The following TPM3 variants were observed in gnomAD, a reference collection of about 807,000 sequenced individuals.
TPM3 encodes the protein tropomyosin alpha-3 chain.
Under a neutral mutation model 43.1 loss-of-function variants are expected in TPM3, and 16 were observed. That is an observed-to-expected ratio of 0.37 (90% CI 0.25 to 0.56). The LOEUF is 0.56. Ranked by LOEUF, TPM3 falls within the 20% of genes least tolerant of loss-of-function variation. The pLI, the probability that TPM3 is intolerant of heterozygous loss-of-function variation, is 0.77. For missense variants in TPM3, 176 were observed against 337.2 expected (o/e 0.52, Z 3.74); for synonymous variants, 101 against 116.9 (o/e 0.86, Z 0.88).
downstream of TPM3, chr1:154,159,007 T>C: frequency 1.3e-6 from 1 of 780,776 alleles, no homozygotes; most frequent in Non-Finnish European, 2.4e-6. Context: ...TTCAGCTCAT[T>C]AGAAAGCAGG....
At chr1:154,155,318 A>C (rs887275969), downstream of TPM3, 41 of 447,478 alleles carry the variant, frequency 9.2e-5, no homozygotes, top group Middle Eastern at 6.2e-4. Flanking sequence ...TCTAAAAAAA[A>C]CCCTTTAATT....
In TPM3 at chr1:154,167,860, T is replaced by A; in HGVS notation, c.*77A>T. ...ACCAGCCAGGCTGACCCAAATGGAA[T>A]CCAGAGCGAGAGTGGGGCCTTGGGT... On this transcript the variant is annotated 3_prime_UTR_variant, in exon 10 of 10. Transcript: ENST00000651641. The A allele has an allele frequency of 6.2e-7, 1 of 1,613,598 alleles. No homozygotes were observed. The highest frequency in any genetic ancestry group is 1.7e-5 in the Admixed American group (1 of 59,982).
At position 154,166,421 on chromosome 1, in the gene TPM3, G is replaced by C; in HGVS notation, c.*1516C>G. ...ACTCCCAGGAGGTCACCATACTGAT[G>C]CCAAATTTAGTGAGGACATCTGACC... On this transcript the variant is annotated 3_prime_UTR_variant, in exon 10 of 10. Transcript: ENST00000651641. 1 of 632,788 alleles carries C rather than the reference G, an allele frequency of 1.6e-6. No homozygotes were observed. Among genetic ancestry groups the C allele is most frequent in the Non-Finnish European group, 2.1e-6 (1 of 486,382 alleles). 39.2% of individuals were successfully genotyped at this position (632,788 alleles called of 1,614,324 possible). A position where few individuals can be genotyped will look rare whatever the true frequency, so the allele number is the denominator to read the frequency against.
chr1:154,166,461 C>T lies in TPM3; in HGVS notation c.*1476G>A. 1.1e-6 allele frequency: 1 copy of T among 908,370 alleles called. No homozygotes were observed. The highest frequency in any genetic ancestry group is 1.4e-6 in the Non-Finnish European group (1 of 738,446). 56.3% of individuals were successfully genotyped at this position (908,370 alleles called of 1,614,324 possible). On this transcript the variant is annotated 3_prime_UTR_variant, in exon 10 of 10. Transcript: ENST00000651641. ...GACATCTGACCTGCATAGCACACTA[C>T]AGTGCAGAACTCCTGGGCTCAAGCA...
chr1:154,172,425 T>A (rs771728967), intron 5 of TPM3: 91 of 549,490 alleles, frequency 1.7e-4, no homozygotes, highest in Middle Eastern at 8.6e-4. Context: ...ATTTTTTTTT[T>A]AAATTTATTT....
downstream of TPM3, among the ~76,000 whole-genome samples, chr1:154,160,735 A>T (rs1218738662): frequency 6.6e-6 from 1 of 152,200 alleles, no homozygotes; most frequent in African/African-American, 2.4e-5. Context: ...CTAAATGACA[A>T]ACGTTCACCA....
chr1:154,184,206 T>A (rs1158112390), intron 2 of TPM3, among the ~76,000 whole-genome samples: 1 of 151,978 alleles, frequency 6.6e-6, no homozygotes, highest in Non-Finnish European at 1.5e-5. Flanking sequence ...GCTAATTTTT[T>A]TTTTGTAGTT....
chr1:154,176,378 T>C, intron 2 of TPM3, 130 bp from the exon 3 acceptor site: 1 of 1,335,994 alleles, frequency 7.5e-7, no homozygotes, highest in Middle Eastern at 1.8e-4. Flanking sequence ...TTGTCTTAGC[T>C]CAGCTGTTAA....
downstream of TPM3, among the ~76,000 whole-genome samples, chr1:154,160,882 C>A (rs1397302531): frequency 1.3e-5 from 2 of 152,022 alleles, no homozygotes; most frequent in Non-Finnish European, 2.9e-5. Context: ...TTTACATACA[C>A]ATACAGATGT....
intron 2 of TPM3, chr1:154,187,273 C>T (rs1663450420): frequency 1.0e-6 from 1 of 969,474 alleles, no homozygotes; most frequent in African/African-American, 1.8e-5. Flanking sequence ...TCCGATAAAA[C>T]TTTATTTACA....
In TPM3 at chr1:154,185,709, GAAAAAAAA is replaced by G. The variant is rs111472790; in HGVS notation, c.243+5469_243+5476del. On this transcript the variant is annotated intron_variant, in intron 2 of 9. Transcript: ENST00000651641. ...TGGGTGACAGAGTGAGACACAGTCT[GAAAAAAAA>G]AAAAAGAAAAACAACAAAAAAAGAA... 1.1e-4 allele frequency among the ~76,000 whole-genome samples: 14 copies of G among 128,270 alleles called. 1 individual carries two copies. The highest frequency in any genetic ancestry group is 3.8e-4 in the African/African-American group (13 of 34,110). 84.2% of individuals were successfully genotyped at this position (128,270 alleles called of 152,430 possible).
At position 154,183,258 on chromosome 1, in the gene TPM3, G is replaced by A. The variant is rs1571443270; in HGVS notation, c.244-7010C>T. The A allele has an allele frequency of 1.2e-5, 19 of 1,523,350 alleles. 1 individual carries two copies. In the South Asian group the frequency reaches 1.9e-4, roughly 15 times the overall value. The allele number at this position is 1,523,350 out of a possible 1,614,324, so 94.4% of individuals were successfully genotyped here. On this transcript the variant is annotated intron_variant, in intron 2 of 9. Coordinates refer to ENST00000651641, the MANE Select transcript of TPM3 (RefSeq NM_152263.4). The stretch of plus-strand genomic sequence containing the variant: ...ACCCGCCCGGATGTGACGTCCCTCT[G>A]CCGCGCCCTCCCACCGCCAGGCAGG...
At chr1:154,174,999 T>C (rs1452271786) in intron 3 of TPM3, among the ~76,000 whole-genome samples, 2 of 152,022 alleles carry the variant, frequency 1.3e-5, no homozygotes, top group Non-Finnish European at 2.9e-5. Context: ...ATAATTTGTT[T>C]CAAGGGCCAT....
chr1:154,172,146 G>A (rs754245696), intron 5 of TPM3: 1 of 1,605,506 alleles, frequency 6.2e-7, no homozygotes, highest in Admixed American at 1.7e-5. Flanking sequence ...CCAGGTTGTG[G>A]GGAGGGAGAA....
intron 2 of TPM3, among the ~76,000 whole-genome samples, chr1:154,188,771 AAT>A (rs765853454): frequency 7.3e-5 from 11 of 151,178 alleles, no homozygotes; most frequent in Non-Finnish European, 1.0e-4. Flanking sequence ...CCTCTGGCAT[AAT>A]ATATTCAATT....
chr1:154,166,043 C>T lies in TPM3; in HGVS notation c.*1894G>A, dbSNP rs150451972. 1.3e-3 allele frequency among the ~76,000 whole-genome samples: 197 copies of T among 152,208 alleles called. 1 individual carries two copies. The highest frequency in any genetic ancestry group is 4.6e-3 in the African/African-American group (192 of 41,538). ...GTGCCTCCATCTTTATTTCTGTCTCCATCTTAATATCCTATACCTAGAAGA... is the reference window on the plus strand; with the variant it reads ...GTGCCTCCATCTTTATTTCTGTCTCTATCTTAATATCCTATACCTAGAAGA... On this transcript the variant is annotated 3_prime_UTR_variant, in exon 10 of 10. Transcript: ENST00000651641.
downstream of TPM3, among the ~76,000 whole-genome samples, chr1:154,161,025 T>C (rs1431235410): frequency 2.0e-5 from 3 of 151,552 alleles, no homozygotes; most frequent in South Asian, 6.2e-4. Context: ...AACCTCTTGC[T>C]TCAGCCTCCT....
intron 2 of TPM3, among the ~76,000 whole-genome samples, chr1:154,176,830 T>G (rs889095888): frequency 1.3e-5 from 2 of 151,506 alleles, no homozygotes; most frequent in African/African-American, 4.9e-5. Context: ...AATACAAAAA[T>G]TAGCCAGGTG....
chr1:154,185,991 T>C (rs1289071484), intron 2 of TPM3, among the ~76,000 whole-genome samples: 1 of 151,500 alleles, frequency 6.6e-6, no homozygotes, highest in Non-Finnish European at 1.5e-5. Context: ...CAATGTCTAG[T>C]TCTAAGAATG....
Sources: allele counts gnomAD v4.1 joint callset (sites outside exome capture counted in the v4.1 genomes callset), GRCh38; gene constraint gnomAD v4.1.1; transcripts MANE v1.5; gene names NCBI Gene and HGNC (gene_info 2026-07-23, HGNC 2026-07-21).